PIBF1: variants seen among roughly 807,000 people sequenced by gnomAD.
PIBF1 encodes the protein progesterone immunomodulatory binding factor 1, also known as progesterone-induced-blocking factor 1.
A neutral mutation model predicts 112.5 loss-of-function variants in PIBF1; 90 were observed. The ratio of observed to expected loss-of-function variants is 0.80; its 90% CI spans 0.67 to 0.95. The LOEUF is 0.95. Among genes scored for constraint, PIBF1 ranks in the 40% least tolerant of loss-of-function variants. The probability of loss-of-function intolerance (pLI) is 0.00; values close to 1 mark genes in which losing one functional copy is unlikely to be tolerated. For missense variants in PIBF1, 915 were observed against 852.3 expected (o/e 1.07, Z -0.92); for synonymous variants, 301 against 288.6 (o/e 1.04, Z -0.44).
At chr13:72,788,961 C>G (rs963065076) in intron 2 of PIBF1, among the ~76,000 whole-genome samples, 11 of 152,084 alleles carry the variant, frequency 7.2e-5, no homozygotes, top group Admixed American at 2.0e-4. Flanking sequence ...TTTGAATTCT[C>G]CATGTCTAAA....
intron 15 of PIBF1, 70 bp downstream of exon 15, chr13:72,965,474 T>C: frequency 1.6e-6 from 2 of 1,274,150 alleles, no homozygotes; most frequent in Non-Finnish European, 2.2e-6. Flanking sequence ...GTAGGTGAAT[T>C]TGGGTTGTAA....
At chr13:72,875,734 T>G (rs2039369085) in intron 10 of PIBF1, among the ~76,000 whole-genome samples, 1 of 152,214 alleles carries the variant, frequency 6.6e-6, no homozygotes, top group South Asian at 2.1e-4. Context: ...CATCACTGTA[T>G]CTTCTTTGGT....
chr13:72,854,800 C>T (rs976928836), intron 10 of PIBF1, among the ~76,000 whole-genome samples: 2 of 150,970 alleles, frequency 1.3e-5, no homozygotes, highest in Non-Finnish European at 3.0e-5. Context: ...AGTGATTCTA[C>T]CATTGTATAC....
chr13:72,934,331 C>T (rs1258051698), intron 14 of PIBF1, among the ~76,000 whole-genome samples: 1 of 152,108 alleles, frequency 6.6e-6, no homozygotes. Flanking sequence ...CAGAGTCTCG[C>T]TCTCTCGCCC....
Position 72,864,295 on chromosome 13 carries a change from T to C in PIBF1, c.1322+10140T>C, listed in dbSNP as rs531957763. ...TAAGTCTAGCCAGCTGCCTCCCAAA[T>C]GTGTAATTCGGGGTTACACGTTGAG... On this transcript the variant is annotated intron_variant, in intron 10 of 17. Transcript: ENST00000326291. Among the ~76,000 whole-genome samples, 24 of 152,334 alleles carry C rather than the reference T, an allele frequency of 1.6e-4. 1 individual carries two copies. In the South Asian group the frequency reaches 5.0e-3, roughly 32 times the overall value.
rs78747732 is a variant in PIBF1, at chr13:72,853,227, G to A, written c.1224-830G>A. On this transcript the variant is annotated intron_variant, in intron 9 of 17. Transcript: ENST00000326291. ...TGTTATCTTCCAGCTCCCCTTAACT[G>A]ACACTAAATGTATTCTTTCTATCAA... Among the ~76,000 whole-genome samples, 1,174 of 151,954 alleles carry A rather than the reference G, an allele frequency of 7.7e-3. 14 individuals carry two copies. The highest frequency in any genetic ancestry group is 0.027 in the African/African-American group (1,105 of 41,498).
At chr13:72,904,453 T>TTTTTTTTTTTTTC (rs2040615266) in intron 11 of PIBF1, among the ~76,000 whole-genome samples, 1 of 129,452 alleles carries the variant, frequency 7.7e-6, no homozygotes, top group African/African-American at 3.0e-5. Flanking sequence ...TTTTTTTTTT[T>TTTTTTTTTTTTTC]TTTTTGAGGA....
chr13:72,944,049 G>T (rs1462888325), intron 14 of PIBF1, among the ~76,000 whole-genome samples: 2 of 151,988 alleles, frequency 1.3e-5, no homozygotes, highest in African/African-American at 2.4e-5. Context: ...TCTCTTGCTG[G>T]CCATAATATT....
Position 72,917,453 on chromosome 13 carries a change from T to G in PIBF1, c.1730+287T>G, listed in dbSNP as rs183537114. ...TTTCAGATGAGCTACAAATGCTTTG[T>G]ATCAAGAATATTCAGATTAAAATTC... On this transcript the variant is annotated intron_variant, in intron 13 of 17. Coordinates refer to ENST00000326291, the MANE Select transcript of PIBF1 (RefSeq NM_006346.4). 7.6e-3 allele frequency among the ~76,000 whole-genome samples: 1,156 copies of G among 152,308 alleles called. 14 individuals are homozygous for G. Among genetic ancestry groups the G allele is most frequent in the Middle Eastern group, 0.014 (4 of 292 alleles).
chr13:72,869,058 C>T (rs539732679), intron 10 of PIBF1, among the ~76,000 whole-genome samples: 150 of 152,044 alleles, frequency 9.9e-4, no homozygotes, highest in African/African-American at 3.3e-3. Context: ...GTCAGTGTGG[C>T]GATTCCTCAG....
At chr13:72,783,803 A>G (rs916963935) in intron 2 of PIBF1, 82 bp downstream of exon 2, 1 of 1,194,720 alleles carries the variant, frequency 8.4e-7, no homozygotes, top group African/African-American at 1.5e-5. Flanking sequence ...TACACACATT[A>G]TCTGAACTTG....
At chr13:72,881,173 GT>G (rs2039614987) in intron 10 of PIBF1, 1 of 148,208 alleles carries the variant, frequency 6.7e-6, no homozygotes, top group South Asian at 2.1e-4. Flanking sequence ...AATTTTCTCT[GT>G]ATCATTCCAA....
At chr13:72,831,560 T>C (rs2037114970) in intron 8 of PIBF1, among the ~76,000 whole-genome samples, 1 of 152,230 alleles carries the variant, frequency 6.6e-6, no homozygotes, top group Non-Finnish European at 1.5e-5. Context: ...TCATTTTCCA[T>C]GTAGTTGTAC....
intron 10 of PIBF1, among the ~76,000 whole-genome samples, chr13:72,857,986 G>A (rs1413463211): frequency 6.7e-6 from 1 of 149,522 alleles, no homozygotes; most frequent in Non-Finnish European, 1.5e-5. Flanking sequence ...AATATGAAGA[G>A]TAATTCGATA....
chr13:72,918,182 G>A (rs536754608), intron 13 of PIBF1, among the ~76,000 whole-genome samples: 13 of 152,052 alleles, frequency 8.5e-5, no homozygotes, highest in East Asian at 1.9e-4. Flanking sequence ...AGACTTCCAC[G>A]CGCCTCTATA....
At chr13:72,835,220 T>C in intron 8 of PIBF1, 23 bp from the exon 9 acceptor site, 1 of 1,515,424 alleles carries the variant, frequency 6.6e-7, no homozygotes. Flanking sequence ...AAATTTATGG[T>C]TGTTCCTTTT....
chr13:72,896,545 C>CA (rs2040287853), intron 11 of PIBF1, among the ~76,000 whole-genome samples: 1 of 151,298 alleles, frequency 6.6e-6, no homozygotes, highest in Non-Finnish European at 1.5e-5. Flanking sequence ...CAAGGAAATC[C>CA]AAAAAATGGT....
intron 17 of PIBF1, among the ~76,000 whole-genome samples, chr13:73,013,263 T>A (rs538332285): frequency 7.7e-6 from 1 of 129,790 alleles, no homozygotes; most frequent in African/African-American, 3.1e-5. Flanking sequence ...ATCGCGCCAC[T>A]GCACTCCAGC....
At chr13:72,964,350 T>C (rs2042684066) in intron 14 of PIBF1, among the ~76,000 whole-genome samples, 1 of 152,196 alleles carries the variant, frequency 6.6e-6, no homozygotes, top group African/African-American at 2.4e-5. Flanking sequence ...ATGGGGAGTT[T>C]TTGTTTAATG....
Sources: allele counts gnomAD v4.1 joint callset (sites outside exome capture counted in the v4.1 genomes callset), GRCh38; gene constraint gnomAD v4.1.1; transcripts MANE v1.5; gene names NCBI Gene and HGNC (gene_info 2026-07-23, HGNC 2026-07-21).